FERMT3: variants seen among roughly 807,000 people sequenced by gnomAD.
FERMT3 encodes fermitin family homolog 3.
In FERMT3, 33 loss-of-function variants were observed where a neutral mutation model predicts 80.8. The ratio of observed to expected loss-of-function variants is 0.41; its 90% CI spans 0.31 to 0.55. The LOEUF is 0.55. Ranked by LOEUF, FERMT3 falls within the 20% of genes least tolerant of loss-of-function variation. The pLI is 0.31. For missense variants in FERMT3, 754 were observed against 908.7 expected (o/e 0.83, Z 2.19); for synonymous variants, 375 against 372.2 (o/e 1.01, Z -0.09).
At chr11:64,220,791 C>G (rs1946664675) in intron 12 of FERMT3, 122 bp downstream of exon 12, 1 of 1,272,458 alleles carries the variant, frequency 7.9e-7, no homozygotes, top group African/African-American at 1.5e-5. Context: ...CCACTGTGTC[C>G]CTGAGATTGT....
intron 2 of FERMT3, chr11:64,207,745 G>A: frequency 1.8e-6 from 1 of 568,932 alleles, no homozygotes; most frequent in Non-Finnish European, 3.1e-6. Flanking sequence ...GGTCTGCTAA[G>A]GATCAGACGC....
rs1261509609 is a variant in FERMT3 at position 64,219,466 on chromosome 11, G to C, written c.895-58G>C. 1 of 1,562,880 alleles carries C rather than the reference G, an allele frequency of 6.4e-7. No homozygotes were observed. The highest frequency in any genetic ancestry group is 8.7e-7 in the Non-Finnish European group (1 of 1,154,650). On this transcript the variant is annotated intron_variant, in intron 7 of 14. Transcript: ENST00000345728. The surrounding 1 kb of genome is among the most constrained non-coding windows in gnomAD (Gnocchi z 4.0). ...ACCTCCAGGGAAGCCCGGCCTGGGGGTACTGCTAGGGGACCAGGCTGCTGG... is the reference window on the plus strand; with the variant it reads ...ACCTCCAGGGAAGCCCGGCCTGGGGCTACTGCTAGGGGACCAGGCTGCTGG...
chr11:64,214,351 A>G (rs1189116285), intron 6 of FERMT3, among the ~76,000 whole-genome samples: 4 of 146,122 alleles, frequency 2.7e-5, no homozygotes, highest in Non-Finnish European at 4.5e-5. Flanking sequence ...TTATTTATCT[A>G]TTTTTGTTGT....
At chr11:64,218,619 T>C (rs1946604337) in intron 6 of FERMT3, among the ~76,000 whole-genome samples, 1 of 152,262 alleles carries the variant, frequency 6.6e-6, no homozygotes, top group South Asian at 2.1e-4. Context: ...TTTGTCCTTT[T>C]GGGTTTATCT....
In FERMT3 at chr11:64,220,338, C is replaced by CT; in HGVS notation, c.1311+13dup. 6.2e-7 allele frequency: 1 copy of CT among 1,612,190 alleles called. No individual in the cohort carries two copies. The highest frequency in any genetic ancestry group is 8.5e-7 in the Non-Finnish European group (1 of 1,178,702). On this transcript the variant is annotated intron_variant, in intron 11 of 14. Coordinates refer to ENST00000345728, the MANE Select transcript of FERMT3 (RefSeq NM_031471.6). ...TGCGGTGCCAGGATGTGAGTGAGGG[C>CT]TGGGCAGGGGCCAGGGCCGGGCAGG...
chr11:64,213,555 ATT>A (rs34872967), intron 6 of FERMT3, among the ~76,000 whole-genome samples: 9 of 120,696 alleles, frequency 7.5e-5, no homozygotes, highest in Non-Finnish European at 1.2e-4. Flanking sequence ...GCCTGGCCTA[ATT>A]TTTTTTTTTT....
Position 64,211,875 on chromosome 11 carries a change from C to T in FERMT3, c.786+128C>T. ...CCGTCTGCCCGTTTGTCCATCCACA[C>T]CTTTGTTTACTGACCCCACAAACAC... On this transcript the variant is annotated intron_variant, in intron 6 of 14. Coordinates refer to ENST00000345728, the MANE Select transcript of FERMT3 (RefSeq NM_031471.6). This position sits in a 1 kb window ranked among gnomAD's most constrained non-coding sequence, Gnocchi z 4.7. 1 of 881,696 alleles carries T rather than the reference C, an allele frequency of 1.1e-6. No individual in the cohort carries two copies. Among genetic ancestry groups the T allele is most frequent in the Non-Finnish European group, 1.8e-6 (1 of 545,450 alleles). The allele number at this position is 881,696 out of a possible 1,614,324, so 54.6% of individuals were successfully genotyped here.
intron 2 of FERMT3, among the ~76,000 whole-genome samples, chr11:64,208,638 G>C (rs532127973): frequency 6.6e-6 from 1 of 152,358 alleles, no homozygotes; most frequent in East Asian, 1.9e-4. Context: ...TATCATGGGG[G>C]CCTGGAGCCA....
intron 1 of FERMT3, among the ~76,000 whole-genome samples, 169 bp from the exon 2 acceptor site, chr11:64,207,182 G>A (rs926339930): frequency 6.6e-6 from 1 of 152,050 alleles, no homozygotes; most frequent in African/African-American, 2.4e-5. Flanking sequence ...GCCAGCGCTG[G>A]AGAGAGAGTC....
rs1741581033 is a variant in FERMT3, at chr11:64,210,885, G to A, written c.394+41G>A. 1 of 1,608,980 alleles carries A rather than the reference G, an allele frequency of 6.2e-7. No homozygotes were observed. Among genetic ancestry groups the A allele is most frequent in the Non-Finnish European group, 8.5e-7 (1 of 1,179,466 alleles). ...GATTCCCCTGGCCCACGAGGGTGAT[G>A]CAAAGAGGCAGGTTCCCCCGTTTCC... On this transcript the variant is annotated intron_variant, in intron 3 of 14. Transcript: ENST00000345728. The surrounding 1 kb of genome is among the most constrained non-coding windows in gnomAD (Gnocchi z 4.3).
At chr11:64,207,875 C>T (rs745610094) in intron 2 of FERMT3, 84 of 206,314 alleles carry the variant, frequency 4.1e-4, no homozygotes, top group Non-Finnish European at 5.7e-4. Flanking sequence ...CCTGCCCCCA[C>T]GCTCCCTCCC....
Position 64,211,111 on chromosome 11 carries a change from A to G in FERMT3, c.454A>G (p.Lys152Glu). Reference protein sequence around the residue: ...LRAPEKKEKKKKEKEPEEELY... With the variant: ...LRAPEKKEKKEKEKEPEEELY... ...GGCTCCTGAGAAGAAGGAGAAGAAGAAGAAAGAGAAGGAGCCAGAGGAAGA... is the reference window on the plus strand; with the variant it reads ...GGCTCCTGAGAAGAAGGAGAAGAAGGAGAAAGAGAAGGAGCCAGAGGAAGA... The change falls in exon 4 of 15, where the codon AAG (lysine) becomes GAG (glutamate). Residue 152 changes from lysine to glutamate, a missense_variant. Transcript: ENST00000345728. This position sits in a 1 kb window ranked among gnomAD's most constrained non-coding sequence, Gnocchi z 4.7. 2 of 1,564,464 alleles carry G rather than the reference A, an allele frequency of 1.3e-6. No individual in the cohort carries two copies. The highest frequency in any genetic ancestry group is 1.7e-6 in the Non-Finnish European group (2 of 1,154,000).
At position 64,221,466 on chromosome 11, in the gene FERMT3, CA is replaced by C. The variant is rs1159170939; in HGVS notation, c.1670+332del. On this transcript the variant is annotated intron_variant, in intron 13 of 14. Transcript: ENST00000345728. ...CAACACAGAAAGTCCCTCGTCTCTA[CA>C]AAAAATTGTAAAAAATTACCTGGGC... is the stretch of plus-strand genomic sequence containing the variant. 3.3e-5 allele frequency among the ~76,000 whole-genome samples: 5 copies of C among 151,996 alleles called. No homozygotes were observed. The South Asian group carries it at 6.2e-4, about 19-fold the overall frequency.
intron 2 of FERMT3, among the ~76,000 whole-genome samples, chr11:64,208,888 G>A (rs1946376201): frequency 6.6e-6 from 1 of 152,170 alleles, no homozygotes; most frequent in Admixed American, 6.5e-5. Flanking sequence ...AGGGGAAGGT[G>A]GCCACCGAAG....
intron 2 of FERMT3, among the ~76,000 whole-genome samples, chr11:64,209,691 C>A (rs1040155538): frequency 6.6e-6 from 1 of 152,092 alleles, no homozygotes; most frequent in Non-Finnish European, 1.5e-5. Flanking sequence ...TGGTGATGCC[C>A]GGCATGTGCA....
rs547666220 is a variant in FERMT3, at chr11:64,219,569, G to T, written c.940G>T (p.Ala314Ser). 13 of 1,612,164 alleles carry T rather than the reference G, an allele frequency of 8.1e-6. No homozygotes were observed. The Admixed American group carries it at 1.8e-4, about 23-fold the overall frequency. Reference protein sequence around the residue: ...LSQSGEVGEPAGTDPGLDDLD... With the variant: ...LSQSGEVGEPSGTDPGLDDLD... ...CCAGAGCGGGGAGGTGGGGGAGCCG[G>T]CTGGCACAGACCCAGGGCTGGACGA... is the stretch of plus-strand genomic sequence containing the variant. The change falls in exon 8 of 15, where the codon GCT becomes TCT. Residue 314 changes from alanine (A) to serine (S), a missense_variant. By Grantham distance (99) the Ala-to-Ser change is moderately conservative (BLOSUM62 1). Coordinates refer to ENST00000345728, the MANE Select transcript of FERMT3 (RefSeq NM_031471.6). The surrounding 1 kb of genome is among the most constrained non-coding windows in gnomAD (Gnocchi z 4.0).
chr11:64,209,848 C>G (rs1231378627), intron 2 of FERMT3, among the ~76,000 whole-genome samples: 1 of 152,136 alleles, frequency 6.6e-6, no homozygotes, highest in African/African-American at 2.4e-5. Context: ...CAGCCTTTTT[C>G]CTATGCTCTC....
intron 6 of FERMT3, among the ~76,000 whole-genome samples, chr11:64,212,539 C>A (rs543308575): frequency 6.6e-6 from 1 of 152,346 alleles, no homozygotes; most frequent in African/African-American, 2.4e-5. Flanking sequence ...GCTATCTGTT[C>A]CCTGGCCATG....
rs1406725812 is a variant in FERMT3 at position 64,207,147 on chromosome 11, C to G, written c.-14-204C>G. Reference sequence around the variant, plus strand: ...ATGGGAGCGGATTGGACTACATGGTCTCTGAGGGCCCTCGCGGCTCAAGCG... The same window carrying G: ...ATGGGAGCGGATTGGACTACATGGTGTCTGAGGGCCCTCGCGGCTCAAGCG... On this transcript the variant is annotated intron_variant, in intron 1 of 14. Transcript: ENST00000345728. Among the ~76,000 whole-genome samples the G allele has an allele frequency of 2.6e-5, 4 of 152,190 alleles. No individual in the cohort carries two copies. The East Asian group carries it at 7.7e-4, about 29-fold the overall frequency.
Sources: gnomAD v4.1 joint callset for allele counts (sites outside exome capture counted in the v4.1 genomes callset) on GRCh38, gnomAD v4.1.1 for gene constraint, Gnocchi (gnomAD v3.1) non-coding constraint, MANE v1.5 for transcripts, NCBI Gene and HGNC (gene_info 2026-07-23, HGNC 2026-07-21) for gene names.